The following PXDNL variants were observed in gnomAD, a reference collection of about 807,000 sequenced individuals.
PXDNL encodes the protein peroxidasin like.
In PXDNL, 145 loss-of-function variants were observed where a neutral mutation model predicts 150.8. The ratio of observed to expected loss-of-function variants is 0.96; its 90% CI spans 0.84 to 1.10. PXDNL has a LOEUF of 1.10. PXDNL is among the 50% of genes least tolerant of loss of function. The pLI, the probability that PXDNL is intolerant of heterozygous loss-of-function variation, is 0.00. For synonymous variants in PXDNL, 757 were observed against 725.7 expected, an observed-to-expected ratio of 1.04 and a Z score of -0.69; for missense variants, 2,087 against 1,873.9, an observed-to-expected ratio of 1.11 and a Z score of -2.10.
chr8:51,611,917 C>G (rs552725115), intron 2 of PXDNL, among the ~76,000 whole-genome samples: 15 of 152,202 alleles, frequency 9.9e-5, no homozygotes, highest in Non-Finnish European at 2.2e-4. Context: ...CCCGGGGCAC[C>G]AGCGATGGGC....
intron 12 of PXDNL, among the ~76,000 whole-genome samples, chr8:51,428,241 A>G (rs889810569): frequency 6.6e-6 from 1 of 152,250 alleles, no homozygotes; most frequent in South Asian, 2.1e-4. Flanking sequence ...GAATAAGCAT[A>G]TATGCATGGA....
At chr8:51,736,295 T>G (rs922116530) in intron 1 of PXDNL, among the ~76,000 whole-genome samples, 1 of 152,160 alleles carries the variant, frequency 6.6e-6, no homozygotes, top group Non-Finnish European at 1.5e-5. Context: ...GAAAATAAAT[T>G]TTTTATGTGA....
chr8:51,788,129 G>A (rs1446320799), intron 1 of PXDNL, among the ~76,000 whole-genome samples: 1 of 152,196 alleles, frequency 6.6e-6, no homozygotes, highest in Non-Finnish European at 1.5e-5. Context: ...TATATATCCT[G>A]CAAAACCAAA....
chr8:51,382,762 TA>T (rs2130815340), intron 17 of PXDNL, among the ~76,000 whole-genome samples: 1 of 152,258 alleles, frequency 6.6e-6, no homozygotes, highest in African/African-American at 2.4e-5. Flanking sequence ...TGAGAAATAA[TA>T]ATAATGGAAA....
chr8:51,439,954 A>G (rs182697528), intron 12 of PXDNL, among the ~76,000 whole-genome samples: 209 of 152,236 alleles, frequency 1.4e-3, no homozygotes, highest in Admixed American at 2.9e-3. Context: ...GGTTTATAAC[A>G]GCACAATTTG....
At position 51,413,195 on chromosome 8, in the gene PXDNL, C is replaced by G. The variant is rs1044181472; in HGVS notation, c.1859G>C (p.Arg620Thr). 5 of 1,612,736 alleles carry G rather than the reference C, an allele frequency of 3.1e-6. No individual in the cohort carries two copies. Among genetic ancestry groups the G allele is most frequent in the Non-Finnish European group, 4.2e-6 (5 of 1,178,886 alleles). ...VESSILDAVQRVDSAINSTRR... is the reference protein window; with the variant it reads ...VESSILDAVQTVDSAINSTRR... ...TGTGGAGTTAATTGCACTGTCAACT[C>G]TCTGTACAGCATCAAGAATGGAAGA... The change falls in exon 15 of 23, where the codon AGA becomes ACA. Residue 620 changes from arginine to threonine, a missense_variant. Coordinates refer to ENST00000356297, the MANE Select transcript of PXDNL (RefSeq NM_144651.5).
intron 1 of PXDNL, among the ~76,000 whole-genome samples, chr8:51,702,700 A>G (rs1052736532): frequency 6.6e-6 from 1 of 152,184 alleles, no homozygotes. Flanking sequence ...TAGGAAGATT[A>G]AATAACATCA....
intron 14 of PXDNL, among the ~76,000 whole-genome samples, chr8:51,417,341 A>G (rs1171170588): frequency 6.6e-6 from 1 of 152,230 alleles, no homozygotes; most frequent in Non-Finnish European, 1.5e-5. Flanking sequence ...TTGCAATCCT[A>G]TCCCTGCATC....
chr8:51,446,586 C>T (rs574015360), intron 12 of PXDNL, among the ~76,000 whole-genome samples: 4 of 152,188 alleles, frequency 2.6e-5, no homozygotes, highest in African/African-American at 9.6e-5. Flanking sequence ...ACAGTTGTCA[C>T]ATGAAGAGTC....
chr8:51,636,823 G>C (rs1374017509), intron 2 of PXDNL, among the ~76,000 whole-genome samples: 3 of 150,176 alleles, frequency 2.0e-5, no homozygotes, highest in Non-Finnish European at 3.0e-5. Flanking sequence ...TTCTGCAGAA[G>C]TAGAAAACCT....
chr8:51,784,006 CA>C (rs34109223), intron 1 of PXDNL, among the ~76,000 whole-genome samples: 104,307 of 151,502 alleles, frequency 0.69, 42,308 homozygotes, highest in Non-Finnish European at 0.9. Flanking sequence ...TTCTTTCCCC[CA>C]AAAAAAAATC....
intron 19 of PXDNL, among the ~76,000 whole-genome samples, chr8:51,370,077 G>A (rs183727702): frequency 1.4e-4 from 22 of 152,352 alleles, no homozygotes; most frequent in Admixed American, 2.6e-4. Flanking sequence ...CAGGTCAGCT[G>A]TGGGACCTTA....
intron 1 of PXDNL, among the ~76,000 whole-genome samples, chr8:51,779,682 G>A (rs531870656): frequency 2.0e-5 from 3 of 152,344 alleles, no homozygotes; most frequent in South Asian, 2.1e-4. Flanking sequence ...CATGGATTCC[G>A]CTCTGACAAT....
At chr8:51,367,516 CT>C (rs1408539309) in intron 19 of PXDNL, among the ~76,000 whole-genome samples, 3 of 152,100 alleles carry the variant, frequency 2.0e-5, no homozygotes, top group Non-Finnish European at 2.9e-5. Flanking sequence ...TCTGACAACA[CT>C]TTTTTTCATT....
chr8:51,549,540 T>A (rs895170837), intron 4 of PXDNL, among the ~76,000 whole-genome samples: 7 of 151,996 alleles, frequency 4.6e-5, no homozygotes, highest in African/African-American at 1.7e-4. Context: ...CTCTCAAAAA[T>A]ATACAAATAC....
Position 51,718,658 on chromosome 8 carries a change from ACAT to A in PXDNL, c.165-63901_165-63899del, listed in dbSNP as rs1397685180. ...GAATTCTTTTGAAAAGTATGCTGTG[ACAT>A]CTCATTCCCTGTGCTATAAAACTCA... On this transcript the variant is annotated intron_variant, in intron 1 of 22. Coordinates refer to ENST00000356297, the MANE Select transcript of PXDNL (RefSeq NM_144651.5). Among the ~76,000 whole-genome samples the A allele has an allele frequency of 2.0e-5, 3 of 152,184 alleles. No homozygotes were observed. The East Asian group carries it at 5.8e-4, about 29-fold the overall frequency.
chr8:51,577,926 A>AGAAG (rs1813096424), intron 3 of PXDNL, among the ~76,000 whole-genome samples: 1 of 35,482 alleles, frequency 2.8e-5, no homozygotes, highest in African/African-American at 9.1e-5. Context: ...AAGAAAGAAA[A>AGAAG]GAAAGAAAGA....
At chr8:51,797,984 G>T (rs1307581107) in intron 1 of PXDNL, among the ~76,000 whole-genome samples, 2 of 152,094 alleles carry the variant, frequency 1.3e-5, no homozygotes, top group African/African-American at 2.4e-5. Context: ...CAGACACATA[G>T]ACCAATGGAA....
chr8:51,531,748 A>C (rs1811912209), intron 4 of PXDNL, among the ~76,000 whole-genome samples: 1 of 152,200 alleles, frequency 6.6e-6, no homozygotes, highest in Non-Finnish European at 1.5e-5. Context: ...TGGTGGAGAG[A>C]ATCTGAAAAG....
Sources: gnomAD v4.1 joint callset for allele counts (sites outside exome capture counted in the v4.1 genomes callset) on GRCh38, gnomAD v4.1.1 for gene constraint, MANE v1.5 for transcripts, NCBI Gene and HGNC (gene_info 2026-07-23, HGNC 2026-07-21) for gene names.